Variants in OS9 observed in about 807,000 individuals in gnomAD.
OS9 encodes protein OS-9.
OS9 carries 58 observed loss-of-function variants against 84.7 expected under a neutral mutation model. That is an observed-to-expected ratio of 0.68 (90% confidence interval 0.55 to 0.85). OS9 has a LOEUF of 0.85. Among genes scored for constraint, OS9 ranks in the 40% least tolerant of loss-of-function variants. OS9 has a pLI of 0.00. For missense variants in OS9, 760 were observed against 850.9 expected, an observed-to-expected ratio of 0.89 and a Z score of 1.33; for synonymous variants, 278 against 320.8, an observed-to-expected ratio of 0.87 and a Z score of 1.43.
chr12:57,697,918 C>T (rs1595031130), intron 5 of OS9, among the ~76,000 whole-genome samples: 1 of 76,352 alleles, frequency 1.3e-5, no homozygotes, highest in South Asian at 4.0e-4. Flanking sequence ...AACACACACA[C>T]ACACATACAC....
rs533448713 is a variant in OS9, at chr12:57,715,985, A to G, written c.790+15A>G. ...GAGGCAAGCCGGTGAGTAATTAGAG[A>G]AGGAGGAGAAGACGGGGAGATACGG... On this transcript the variant is annotated intron_variant, in intron 6 of 14. Transcript: ENST00000315970. 10 of 1,609,470 alleles carry G rather than the reference A, an allele frequency of 6.2e-6. No individual in the cohort carries two copies. The Admixed American group carries it at 6.7e-5, about 11-fold the overall frequency.
chr12:57,696,219 C>A, intron 4 of OS9, 56 bp from the exon 5 acceptor site: 1 of 1,430,622 alleles, frequency 7.0e-7, no homozygotes, highest in Non-Finnish European at 9.8e-7. Context: ...GCAGTGCCAT[C>A]CTTCCTCTTT....
In OS9 at chr12:57,696,201, T is replaced by G. The variant is rs181728604; in HGVS notation, c.481-74T>G. On this transcript the variant is annotated intron_variant, in intron 4 of 14. Coordinates refer to ENST00000315970, the MANE Select transcript of OS9 (RefSeq NM_006812.4). Reference sequence around the variant, plus strand: ...GGGCACAGGCCATTCTTTTGTCTCTTTGGGGACGCAGTGCCATCCTTCCTC... The same window carrying G: ...GGGCACAGGCCATTCTTTTGTCTCTGTGGGGACGCAGTGCCATCCTTCCTC... The G allele has an allele frequency of 7.1e-5, 95 of 1,331,804 alleles. 1 individual carries two copies. In the South Asian group the frequency reaches 7.3e-4, roughly 10 times the overall value. 82.5% of individuals were successfully genotyped at this position (1,331,804 alleles called of 1,614,324 possible). A position where few individuals can be genotyped will look rare whatever the true frequency, so the allele number is the denominator to read the frequency against.
rs761519710 is a variant in OS9 at position 57,718,256 on chromosome 12, AGAG to A, written c.1251_1253del (p.Glu417del). 5.0e-6 allele frequency: 8 copies of A among 1,613,644 alleles called. No individual in the cohort carries two copies. In the African/African-American group the frequency reaches 1.1e-4, roughly 22 times the overall value. Reference sequence around the variant, plus strand: ...CAGAACGGCAGAGAGAGATGGAAGAAGAGGAGGATGAGGATGAGGATGAGGATG... The same window carrying A: ...CAGAACGGCAGAGAGAGATGGAAGAAGAGGATGAGGATGAGGATGAGGATG... On this transcript the variant is annotated inframe_deletion, in exon 11 of 15. Coordinates refer to ENST00000315970, the MANE Select transcript of OS9 (RefSeq NM_006812.4).
Position 57,694,783 on chromosome 12 carries a change from A to T in OS9, c.196A>T (p.Lys66Ter). Residue 66 changes from lysine (K) to a stop codon, truncating the protein, a stop_gained, in exon 2 of 15, where the codon AAG becomes TAG. Transcript: ENST00000315970. LOFTEE classifies it high-confidence loss of function. ...QSSDVVIVSS[K>*]YKQRYECRLP... ...TTCGGACGTGGTGATTGTCTCCTCT[A>T]AGTACAAACAGCGCTATGAGTGTCG... The T allele has an allele frequency of 1.9e-6, 3 of 1,613,930 alleles. No individual in the cohort carries two copies. Among genetic ancestry groups the T allele is most frequent in the Non-Finnish European group, 2.5e-6 (3 of 1,179,972 alleles).
chr12:57,695,884 A>G, intron 3 of OS9, 41 bp downstream of exon 3: 1 of 1,575,026 alleles, frequency 6.3e-7, no homozygotes, highest in Non-Finnish European at 8.7e-7. Context: ...TTAGTGTCAT[A>G]TCATGGAAGT....
At chr12:57,716,354 C>A in intron 7 of OS9, 58 bp from the exon 8 acceptor site, 1 of 1,399,654 alleles carries the variant, frequency 7.1e-7, no homozygotes, top group Non-Finnish European at 9.9e-7. Context: ...ATCCTATTTG[C>A]TCCCTTCTGT....
chr12:57,703,505 G>A (rs1745492415), intron 5 of OS9, among the ~76,000 whole-genome samples: 1 of 152,180 alleles, frequency 6.6e-6, no homozygotes, highest in East Asian at 1.9e-4. Context: ...TTGTTGAAAA[G>A]ACTGTCCTTT....
chr12:57,720,644 G>A (rs1386837323), intron 14 of OS9, 126 bp downstream of exon 14: 2 of 1,285,154 alleles, frequency 1.6e-6, no homozygotes, highest in Non-Finnish European at 2.2e-6. Flanking sequence ...GGGTTCCAGT[G>A]GCTCAGAGTG....
intron 5 of OS9, among the ~76,000 whole-genome samples, chr12:57,704,617 C>A (rs1954115658): frequency 6.6e-6 from 1 of 152,012 alleles, no homozygotes. Context: ...TATGGTAATG[C>A]CAGCCTCACA....
intron 14 of OS9, 108 bp downstream of exon 14, chr12:57,720,626 C>G (rs1029486231): frequency 1.6e-6 from 2 of 1,272,582 alleles, no homozygotes; most frequent in Admixed American, 1.8e-5. Flanking sequence ...ATCTGTAAGA[C>G]AAGGCTGGGG....
At position 57,716,201 on chromosome 12, in the gene OS9, C is replaced by A; in HGVS notation, c.892+8C>A. The A allele has an allele frequency of 1.3e-6, 2 of 1,555,024 alleles. No individual in the cohort carries two copies. Among genetic ancestry groups the A allele is most frequent in the Non-Finnish European group, 1.8e-6 (2 of 1,135,808 alleles). On this transcript the variant is annotated splice_region_variant and intron_variant, in intron 7 of 14. Transcript: ENST00000315970. Reference sequence around the variant, plus strand: ...CACCCCAAAAGATGGCAGGTAGGACCTTGTTTCACCTGTTCCGTGAAACTC... The same window carrying A: ...CACCCCAAAAGATGGCAGGTAGGACATTGTTTCACCTGTTCCGTGAAACTC...
intron 5 of OS9, among the ~76,000 whole-genome samples, chr12:57,698,390 T>C (rs1377100081): frequency 1.3e-5 from 2 of 152,214 alleles, no homozygotes; most frequent in Non-Finnish European, 2.9e-5. Context: ...AGCTTCCTCA[T>C]ATCTGGTGAA....
chr12:57,708,971 CTTTT>C (rs1954252046), intron 5 of OS9, among the ~76,000 whole-genome samples: 2 of 152,130 alleles, frequency 1.3e-5, no homozygotes, highest in Admixed American at 6.5e-5. Flanking sequence ...TATTTTTAAA[CTTTT>C]GGATTTTGGC....
intron 5 of OS9, among the ~76,000 whole-genome samples, chr12:57,699,003 G>T (rs1193854781): frequency 6.6e-6 from 1 of 152,184 alleles, no homozygotes; most frequent in Non-Finnish European, 1.5e-5. Flanking sequence ...ATCCAGGTGT[G>T]AAATAAAAGT....
chr12:57,694,835 A>G lies in OS9; in HGVS notation c.248A>G (p.Gln83Arg). 1 of 1,614,118 alleles carries G rather than the reference A, an allele frequency of 6.2e-7. No homozygotes were observed. The highest frequency in any genetic ancestry group is 1.3e-5 in the African/African-American group (1 of 75,032). ...CTGCCAGCTGGAGCTATTCACTTCC[A>G]GCGTGAAAGGGAGGAGGAAACACCT... ...CRLPAGAIHFQREREEETPAY... is the reference protein window; with the variant it reads ...CRLPAGAIHFRREREEETPAY... Residue 83 changes from glutamine to arginine, a missense_variant, in exon 2 of 15, where the codon CAG becomes CGG. Physicochemically the swap from Gln to Arg is conservative, Grantham distance 43. Coordinates refer to ENST00000315970, the MANE Select transcript of OS9 (RefSeq NM_006812.4).
intron 5 of OS9, among the ~76,000 whole-genome samples, chr12:57,699,297 T>C (rs79256159): frequency 6.6e-6 from 1 of 152,160 alleles, no homozygotes; most frequent in African/African-American, 2.4e-5. Context: ...GAGATCTGAA[T>C]TGAACCCAGA....
Position 57,694,157 on chromosome 12 carries a change from G to C in OS9, c.-5G>C, listed in dbSNP as rs781178305. On this transcript the variant is annotated 5_prime_UTR_variant, in exon 1 of 15. Transcript: ENST00000315970. ...AGATTCTCTGCATAAGAAGGGGAAC[G>C]AAAGATGGCGGCGGAAACGCTGCTG... The C allele has an allele frequency of 2.3e-5, 37 of 1,614,006 alleles. No homozygotes were observed. Among genetic ancestry groups the C allele is most frequent in the Non-Finnish European group, 3.0e-5 (35 of 1,179,994 alleles).
chr12:57,714,860 G>T (rs1413139352), intron 5 of OS9, among the ~76,000 whole-genome samples: 1 of 152,200 alleles, frequency 6.6e-6, no homozygotes, highest in Non-Finnish European at 1.5e-5. Context: ...GCCTCCCAAA[G>T]TGTTGGGATT....
Sources: gnomAD v4.1 joint callset for allele counts (sites outside exome capture counted in the v4.1 genomes callset) on GRCh38, gnomAD v4.1.1 for gene constraint, MANE v1.5 for transcripts, NCBI Gene and HGNC (gene_info 2026-07-23, HGNC 2026-07-21) for gene names.